Variants in COL8A1 observed in about 807,000 individuals in gnomAD.
COL8A1 encodes collagen type VIII alpha 1 chain, also known as collagen alpha-1(VIII) chain.
In COL8A1, 21 loss-of-function variants were observed where a neutral mutation model predicts 42.7. The ratio of observed to expected loss-of-function variants is 0.49; its 90% CI spans 0.35 to 0.71. The LOEUF (loss-of-function observed/expected upper bound fraction) is 0.71. Ranked by LOEUF, COL8A1 falls within the 30% of genes least tolerant of loss-of-function variation. COL8A1 has a pLI of 0.01. For synonymous variants in COL8A1, 367 were observed against 369.1 expected, an observed-to-expected ratio of 0.99 and a Z score of 0.06; for missense variants, 788 against 962.4, an observed-to-expected ratio of 0.82 and a Z score of 2.40.
chr3:99,696,161 A>C (rs1939361104), intron 1 of COL8A1, among the ~76,000 whole-genome samples: 1 of 152,180 alleles, frequency 6.6e-6, no homozygotes, highest in African/African-American at 2.4e-5. Flanking sequence ...CAAAGTAAGG[A>C]GTATCAGCTA....
intron 2 of COL8A1, among the ~76,000 whole-genome samples, chr3:99,788,586 G>T (rs935080016): frequency 6.6e-6 from 1 of 152,184 alleles, no homozygotes; most frequent in African/African-American, 2.4e-5. Context: ...AACACTTTCA[G>T]ATCTCTAGTA....
In COL8A1 at chr3:99,753,921, A is replaced by G. The variant is rs1031893483; in HGVS notation, c.-4+8900A>G. On this transcript the variant is annotated intron_variant, in intron 2 of 3. Coordinates refer to ENST00000652472, the MANE Select transcript of COL8A1 (RefSeq NM_020351.4). ...ACTTGCTTGAGGTTGCCCAGTCAGT[A>G]AAATGGTAGAGCTTGGACTGAACCT... 2.6e-5 allele frequency among the ~76,000 whole-genome samples: 4 copies of G among 152,374 alleles called. No homozygotes were observed. In the South Asian group the frequency reaches 6.2e-4, roughly 24 times the overall value.
chr3:99,775,857 T>C (rs918043689), intron 2 of COL8A1, among the ~76,000 whole-genome samples: 7 of 152,212 alleles, frequency 4.6e-5, no homozygotes, highest in Non-Finnish European at 1.0e-4. Context: ...TCTGTAGGCT[T>C]CTGGCTTTTC....
chr3:99,710,622 A>T (rs1056413469), intron 1 of COL8A1, among the ~76,000 whole-genome samples: 1 of 152,204 alleles, frequency 6.6e-6, no homozygotes, highest in African/African-American at 2.4e-5. Flanking sequence ...CAGGAGGAGC[A>T]GCCAGTCTGT....
chr3:99,687,400 C>A (rs907855045), intron 1 of COL8A1, among the ~76,000 whole-genome samples: 1 of 152,142 alleles, frequency 6.6e-6, no homozygotes, highest in Non-Finnish European at 1.5e-5. Flanking sequence ...AGGCATCATG[C>A]AAATGTTACT....
chr3:99,750,112 A>G (rs1166948066), intron 2 of COL8A1, among the ~76,000 whole-genome samples: 2 of 119,624 alleles, frequency 1.7e-5, no homozygotes, highest in Non-Finnish European at 3.2e-5. Flanking sequence ...GCTGGAGTGC[A>G]GTGGCATGAT....
intron 2 of COL8A1, among the ~76,000 whole-genome samples, chr3:99,783,707 C>T (rs1257127851): frequency 6.6e-6 from 1 of 152,204 alleles, no homozygotes; most frequent in Non-Finnish European, 1.5e-5. Flanking sequence ...ACTTTCTTCA[C>T]AAGGTAGCAG....
chr3:99,711,164 T>C (rs1939823634), intron 1 of COL8A1, among the ~76,000 whole-genome samples: 1 of 152,172 alleles, frequency 6.6e-6, no homozygotes, highest in African/African-American at 2.4e-5. Context: ...GTCCTGCTTT[T>C]CACCTCATTA....
chr3:99,771,818 G>C (rs1293478227), intron 2 of COL8A1, among the ~76,000 whole-genome samples: 1 of 152,146 alleles, frequency 6.6e-6, no homozygotes, highest in East Asian at 1.9e-4. Context: ...TGTCCATATG[G>C]TGCCATATGG....
At chr3:99,754,723 C>T (rs1232598446) in intron 2 of COL8A1, among the ~76,000 whole-genome samples, 2 of 152,146 alleles carry the variant, frequency 1.3e-5, no homozygotes, top group Non-Finnish European at 2.9e-5. Flanking sequence ...GGTTCAACCC[C>T]CTCTCACTCC....
At chr3:99,700,521 G>A (rs1190229825) in intron 1 of COL8A1, among the ~76,000 whole-genome samples, 2 of 152,056 alleles carry the variant, frequency 1.3e-5, no homozygotes, top group Non-Finnish European at 2.9e-5. Context: ...CTTCTACTGT[G>A]AGAGGAGAGA....
chr3:99,697,047 C>T (rs368378479), intron 1 of COL8A1, among the ~76,000 whole-genome samples: 5 of 120,198 alleles, frequency 4.2e-5, no homozygotes, highest in African/African-American at 9.5e-5. Context: ...AGTGCAGTGG[C>T]GGGATCTCGG....
rs73860467 is a variant in COL8A1 at position 99,763,373 on chromosome 3, C to T, written c.-4+18352C>T. On this transcript the variant is annotated intron_variant, in intron 2 of 3. Transcript: ENST00000652472. ...GGGAAGGATGGGTTCCTTGGGTTTA[C>T]ATTTGTTCTAAGTAAGATAGGCTGT... Among the ~76,000 whole-genome samples, 577 of 152,214 alleles carry T rather than the reference C, an allele frequency of 3.8e-3. 3 individuals carry two copies. Among genetic ancestry groups the T allele is most frequent in the African/African-American group, 0.013 (531 of 41,532 alleles).
intron 1 of COL8A1, among the ~76,000 whole-genome samples, chr3:99,733,148 TTTATTA>T (rs58813040): frequency 6.7e-6 from 1 of 149,666 alleles, no homozygotes; most frequent in Non-Finnish European, 1.5e-5. Flanking sequence ...CTTTCTTTTT[TTTATTA>T]TTATTATTAT....
At chr3:99,737,027 C>A (rs1341532338) in intron 1 of COL8A1, among the ~76,000 whole-genome samples, 1 of 152,074 alleles carries the variant, frequency 6.6e-6, no homozygotes, top group East Asian at 1.9e-4. Context: ...GGTTTAAAGT[C>A]TGTTTTATCA....
At chr3:99,753,038 C>A (rs911719783) in intron 2 of COL8A1, among the ~76,000 whole-genome samples, 1 of 152,094 alleles carries the variant, frequency 6.6e-6, no homozygotes. Context: ...GAGGACTGGG[C>A]AAAATGTTAT....
At chr3:99,730,807 T>C (rs746797326) in intron 1 of COL8A1, among the ~76,000 whole-genome samples, 4 of 152,160 alleles carry the variant, frequency 2.6e-5, no homozygotes, top group Non-Finnish European at 5.9e-5. Flanking sequence ...CATGAAATAA[T>C]TTTATGCTTT....
At chr3:99,674,111 G>A (rs1227766640) in intron 1 of COL8A1, among the ~76,000 whole-genome samples, 1 of 151,948 alleles carries the variant, frequency 6.6e-6, no homozygotes, top group Non-Finnish European at 1.5e-5. Flanking sequence ...ATGATCTCTT[G>A]CTTTTTCATG....
At chr3:99,671,287 A>G (rs1331940980) in intron 1 of COL8A1, among the ~76,000 whole-genome samples, 2 of 152,040 alleles carry the variant, frequency 1.3e-5, no homozygotes, top group Non-Finnish European at 2.9e-5. Flanking sequence ...ACATTTTTTA[A>G]TGTCTTTGAT....
Sources: allele counts gnomAD v4.1 joint callset (sites outside exome capture counted in the v4.1 genomes callset), GRCh38; gene constraint gnomAD v4.1.1; transcripts MANE v1.5; gene names NCBI Gene and HGNC (gene_info 2026-07-23, HGNC 2026-07-21).